The following ST3GAL3 variants were observed in gnomAD, a reference collection of about 807,000 sequenced individuals.
ST3GAL3 encodes the protein CMP-N-acetylneuraminate-beta-1,4-galactoside alpha-2,3-sialyltransferase.
A neutral mutation model predicts 50.1 loss-of-function variants in ST3GAL3; 21 were observed. That is an observed-to-expected ratio of 0.42 (90% CI 0.30 to 0.60). ST3GAL3 has a LOEUF of 0.60. ST3GAL3 is among the 20% of genes least tolerant of loss of function. The pLI is 0.19. For missense variants in ST3GAL3, 353 were observed against 489.4 expected (o/e 0.72, Z 2.63); for synonymous variants, 183 against 190.0 (o/e 0.96, Z 0.30).
intron 4 of ST3GAL3, among the ~76,000 whole-genome samples, chr1:43,816,183 G>T (rs796181877): frequency 3.3e-5 from 5 of 152,232 alleles, no homozygotes; most frequent in African/African-American, 1.2e-4. Flanking sequence ...TTTCTGTCTT[G>T]CATAAGACCT....
In ST3GAL3 at chr1:43,894,450, G is replaced by C; in HGVS notation, c.370G>C (p.Val124Leu). Residue 124 changes from valine (V) to leucine (L), a missense_variant, in exon 6 of 12, where the codon GTG becomes CTG. Transcript: ENST00000347631. ...CAAGTGGGCTAGAATCCGGGAGTTC[G>C]TGCCGCCTTTTGGGATCAAAGGTCA... ...FRKWARIREF[V>L]PPFGIKGQDN... 2 of 1,614,096 alleles carry C rather than the reference G, an allele frequency of 1.2e-6. No homozygotes were observed. Among genetic ancestry groups the C allele is most frequent in the East Asian group, 4.5e-5 (2 of 44,874 alleles).
chr1:43,765,797 GCGCGTC>G (rs1373205309), intron 2 of ST3GAL3, among the ~76,000 whole-genome samples: 438 of 146,862 alleles, frequency 3.0e-3, no homozygotes, highest in Non-Finnish European at 4.0e-3. Flanking sequence ...GCGCGCGCGC[GCGCGTC>G]CGCGCGTCCG....
intron 2 of ST3GAL3, among the ~76,000 whole-genome samples, chr1:43,778,390 T>C (rs1698086036): frequency 6.6e-6 from 1 of 152,148 alleles, no homozygotes. Flanking sequence ...TTAACAAACC[T>C]GCACAACCTG....
rs547666537 is a variant in ST3GAL3 at position 43,833,664 on chromosome 1, G to C, written c.210-4555G>C. 5.3e-5 allele frequency among the ~76,000 whole-genome samples: 8 copies of C among 152,310 alleles called. No homozygotes were observed. In the South Asian group the frequency reaches 1.7e-3, roughly 32 times the overall value. On this transcript the variant is annotated intron_variant, in intron 4 of 11. Transcript: ENST00000347631. ...GCCAGGATAAAAATCCAAGCAGAGTGACTCTATTGTCTCTAAATATTTGTT... is the reference window on the plus strand; with the variant it reads ...GCCAGGATAAAAATCCAAGCAGAGTCACTCTATTGTCTCTAAATATTTGTT...
chr1:43,834,934 T>C (rs544935917), intron 4 of ST3GAL3, among the ~76,000 whole-genome samples: 2 of 152,332 alleles, frequency 1.3e-5, no homozygotes, highest in African/African-American at 4.8e-5. Flanking sequence ...TATGACCCAT[T>C]GCTTGGCCTG....
intron 1 of ST3GAL3, among the ~76,000 whole-genome samples, chr1:43,719,589 T>C (rs1263828526): frequency 1.3e-5 from 2 of 151,404 alleles, no homozygotes; most frequent in African/African-American, 2.4e-5. Flanking sequence ...TGCTTGAACC[T>C]GGGAGGCTGA....
intron 3 of ST3GAL3, among the ~76,000 whole-genome samples, chr1:43,796,963 C>G (rs1348207118): frequency 6.6e-6 from 1 of 152,220 alleles, no homozygotes; most frequent in Non-Finnish European, 1.5e-5. Flanking sequence ...GCAGAAGGAT[C>G]ACTTGAGACT....
intron 2 of ST3GAL3, among the ~76,000 whole-genome samples, chr1:43,746,906 GCATGTGCTAC>G (rs1246515985): frequency 6.6e-6 from 1 of 151,758 alleles, no homozygotes; most frequent in Non-Finnish European, 1.5e-5. Context: ...GGTACTACAG[GCATGTGCTAC>G]CATGCCTGAC....
chr1:43,764,184 A>G (rs1377793435), intron 2 of ST3GAL3, among the ~76,000 whole-genome samples: 21 of 152,216 alleles, frequency 1.4e-4, no homozygotes, highest in Admixed American at 1.4e-3. Flanking sequence ...ATTTGGTTAT[A>G]AGCAAGGAGG....
intron 4 of ST3GAL3, chr1:43,824,641 C>G (rs1023601611): frequency 6.6e-7 from 1 of 1,523,066 alleles, no homozygotes; most frequent in African/African-American, 1.4e-5. Context: ...TGACATCTAG[C>G]ATTTTTCACA....
intron 3 of ST3GAL3, among the ~76,000 whole-genome samples, chr1:43,808,261 G>A (rs189129845): frequency 1.3e-3 from 197 of 147,842 alleles, no homozygotes; most frequent in African/African-American, 4.8e-3. Context: ...CTGAGATCAC[G>A]CCACTGCACT....
intron 2 of ST3GAL3, among the ~76,000 whole-genome samples, chr1:43,770,812 G>T (rs932044625): frequency 6.6e-6 from 1 of 152,200 alleles, no homozygotes; most frequent in African/African-American, 2.4e-5. Flanking sequence ...AATTCCTGCT[G>T]CATGCCAGGT....
At chr1:43,726,049 C>T (rs1030215874) in intron 1 of ST3GAL3, among the ~76,000 whole-genome samples, 1 of 152,064 alleles carries the variant, frequency 6.6e-6, no homozygotes. Context: ...TGCATAAACT[C>T]TCATTTAGAT....
chr1:43,876,156 G>T (rs1290089660), intron 5 of ST3GAL3, among the ~76,000 whole-genome samples: 1 of 151,914 alleles, frequency 6.6e-6, no homozygotes, highest in African/African-American at 2.4e-5. Context: ...TAGAGACAGG[G>T]TTTCGCCATG....
rs371031042 is a variant in ST3GAL3 at position 43,735,777 on chromosome 1, G to A, written c.-30-456G>A. Among the ~76,000 whole-genome samples, 23 of 152,340 alleles carry A rather than the reference G, an allele frequency of 1.5e-4. No homozygotes were observed. The East Asian group carries it at 3.3e-3, about 22-fold the overall frequency. ...CTTTGCCACAGCAGCAGTAGAGAAC[G>A]AATGCAAAGGGGTTTAAGCAGGGAT... On this transcript the variant is annotated intron_variant, in intron 1 of 11. Coordinates refer to ENST00000347631, the MANE Select transcript of ST3GAL3 (RefSeq NM_006279.5).
At chr1:43,823,331 T>G (rs1181340398) in intron 4 of ST3GAL3, among the ~76,000 whole-genome samples, 1 of 152,226 alleles carries the variant, frequency 6.6e-6, no homozygotes, top group Non-Finnish European at 1.5e-5. Flanking sequence ...TCGTTTCTTG[T>G]TGCTCTCCTT....
intron 5 of ST3GAL3, among the ~76,000 whole-genome samples, chr1:43,874,230 A>G (rs761110079): frequency 2.6e-5 from 4 of 152,226 alleles, no homozygotes; most frequent in Non-Finnish European, 4.4e-5. Flanking sequence ...GCAAATCACA[A>G]TGTATGGTTA....
At chr1:43,828,495 A>G (rs1306499267) in intron 4 of ST3GAL3, among the ~76,000 whole-genome samples, 1 of 152,188 alleles carries the variant, frequency 6.6e-6, no homozygotes, top group Non-Finnish European at 1.5e-5. Flanking sequence ...GCAAACACAT[A>G]CCTGATTAAG....
chr1:43,858,482 A>G (rs1057263669), intron 5 of ST3GAL3, among the ~76,000 whole-genome samples: 1 of 152,234 alleles, frequency 6.6e-6, no homozygotes, highest in African/African-American at 2.4e-5. Flanking sequence ...TGATCTTGTC[A>G]GATTAGCAGC....
Sources: gnomAD v4.1 joint callset for allele counts (sites outside exome capture counted in the v4.1 genomes callset) on GRCh38, gnomAD v4.1.1 for gene constraint, MANE v1.5 for transcripts, NCBI Gene and HGNC (gene_info 2026-07-23, HGNC 2026-07-21) for gene names.